CACNA2D3: variants seen among roughly 807,000 people sequenced by gnomAD.
CACNA2D3 encodes voltage-dependent calcium channel subunit alpha-2/delta-3.
In CACNA2D3, 60 loss-of-function variants were observed where a neutral mutation model predicts 160.6. The observed-to-expected ratio is 0.37, with a 90% CI of 0.30 to 0.46. The LOEUF is 0.46. Among genes scored for constraint, CACNA2D3 ranks in the 20% least tolerant of loss-of-function variants. CACNA2D3 has a pLI of 1.00. For synonymous variants in CACNA2D3, 558 were observed against 492.9 expected, an observed-to-expected ratio of 1.13 and a Z score of -1.75; for missense variants, 1,205 against 1,365.0, an observed-to-expected ratio of 0.88 and a Z score of 1.85.
intron 3 of CACNA2D3, among the ~76,000 whole-genome samples, chr3:54,374,650 C>T (rs1353848602): frequency 6.6e-6 from 1 of 152,148 alleles, no homozygotes; most frequent in East Asian, 1.9e-4. Flanking sequence ...CTGGACACCC[C>T]CTGGAGGCAG....
At chr3:54,576,637 C>T (rs1209571766) in intron 8 of CACNA2D3, among the ~76,000 whole-genome samples, 2 of 152,208 alleles carry the variant, frequency 1.3e-5, no homozygotes, top group African/African-American at 2.4e-5. Flanking sequence ...AAGAGTTGTG[C>T]GATGTAGTCT....
chr3:54,380,654 T>G (rs938819951), intron 3 of CACNA2D3, among the ~76,000 whole-genome samples: 5 of 151,958 alleles, frequency 3.3e-5, no homozygotes, highest in Admixed American at 2.6e-4. Flanking sequence ...AGGAGAATGG[T>G]GTGAACCCGG....
intron 11 of CACNA2D3, among the ~76,000 whole-genome samples, chr3:54,653,182 TG>T (rs1699809062): frequency 6.6e-6 from 1 of 152,206 alleles, no homozygotes; most frequent in South Asian, 2.1e-4. Flanking sequence ...GGACTTGGGC[TG>T]CATGTACCGA....
intron 11 of CACNA2D3, among the ~76,000 whole-genome samples, chr3:54,736,016 TACACATAC>T (rs1701497301): frequency 3.5e-5 from 3 of 86,670 alleles, no homozygotes; most frequent in African/African-American, 9.4e-5. Flanking sequence ...TGTATATATA[TACACATAC>T]ATATATATAT....
chr3:54,389,295 T>TCAAAAAAAAAAAAAA (rs1699241199), intron 4 of CACNA2D3, among the ~76,000 whole-genome samples: 2 of 130,462 alleles, frequency 1.5e-5, no homozygotes, highest in Admixed American at 8.2e-5. Context: ...AAACTCCGTC[T>TCAAAAAAAAAAAAAA]TAAAAAAAAA....
chr3:54,570,804 A>G (rs1204878259), intron 8 of CACNA2D3, among the ~76,000 whole-genome samples: 1 of 152,148 alleles, frequency 6.6e-6, no homozygotes, highest in East Asian at 1.9e-4. Context: ...GAGACCGGGC[A>G]GTCATGTAGC....
At chr3:54,656,838 G>A (rs1651393818) in intron 11 of CACNA2D3, among the ~76,000 whole-genome samples, 1 of 152,184 alleles carries the variant, frequency 6.6e-6, no homozygotes, top group Non-Finnish European at 1.5e-5. Context: ...CACAAAAATT[G>A]CACATAATTA....
At chr3:54,552,062 A>G (rs1702167165) in intron 5 of CACNA2D3, among the ~76,000 whole-genome samples, 1 of 152,202 alleles carries the variant, frequency 6.6e-6, no homozygotes, top group Non-Finnish European at 1.5e-5. Context: ...ACTCTACAGT[A>G]TTTTAGCCAT....
chr3:54,271,460 C>T (rs1702620621), intron 2 of CACNA2D3, among the ~76,000 whole-genome samples: 5 of 152,120 alleles, frequency 3.3e-5, no homozygotes, highest in Admixed American at 2.6e-4. Flanking sequence ...ATCCTAAATG[C>T]TATGATTCTC....
intron 11 of CACNA2D3, among the ~76,000 whole-genome samples, chr3:54,654,746 T>A (rs573474336): frequency 6.6e-6 from 1 of 152,130 alleles, no homozygotes; most frequent in African/African-American, 2.4e-5. Context: ...CTGAAGGAGA[T>A]GCAATGAGAC....
At chr3:54,534,159 A>G (rs1163717946) in intron 5 of CACNA2D3, among the ~76,000 whole-genome samples, 1 of 152,130 alleles carries the variant, frequency 6.6e-6, no homozygotes. Context: ...TTGCCTCTTA[A>G]GTGACAGTTC....
intron 11 of CACNA2D3, among the ~76,000 whole-genome samples, chr3:54,657,922 A>T (rs114295360): frequency 6.6e-6 from 1 of 152,288 alleles, no homozygotes; most frequent in Non-Finnish European, 1.5e-5. Flanking sequence ...CCAGCTACTC[A>T]GGAGACTCAA....
chr3:54,547,656 A>G (rs1314622977), intron 5 of CACNA2D3, among the ~76,000 whole-genome samples: 3 of 148,328 alleles, frequency 2.0e-5, no homozygotes, highest in African/African-American at 5.0e-5. Context: ...ATTTTAAAGA[A>G]GAACCTCCCC....
chr3:54,767,465 G>A (rs1201119617), intron 13 of CACNA2D3, among the ~76,000 whole-genome samples: 1 of 152,110 alleles, frequency 6.6e-6, no homozygotes, highest in African/African-American at 2.4e-5. Flanking sequence ...ATGTGTAAAT[G>A]CTGAAGACAG....
At chr3:54,466,587 T>C (rs1230447450) in intron 4 of CACNA2D3, among the ~76,000 whole-genome samples, 1 of 152,206 alleles carries the variant, frequency 6.6e-6, no homozygotes, top group Non-Finnish European at 1.5e-5. Flanking sequence ...GTTTATTTTT[T>C]TCAGGGGCCT....
chr3:54,527,707 G>A (rs2106637799), intron 5 of CACNA2D3, among the ~76,000 whole-genome samples: 1 of 152,290 alleles, frequency 6.6e-6, no homozygotes. Flanking sequence ...AAATGCTGAT[G>A]ACCTGCCCCT....
At chr3:54,854,334 C>T (rs1699122132) in intron 17 of CACNA2D3, among the ~76,000 whole-genome samples, 1 of 152,142 alleles carries the variant, frequency 6.6e-6, no homozygotes, top group Admixed American at 6.6e-5. Context: ...GTCCTCACTG[C>T]CTGGTCTGGG....
chr3:54,636,380 G>A (rs958626166), intron 10 of CACNA2D3, among the ~76,000 whole-genome samples: 5 of 151,972 alleles, frequency 3.3e-5, no homozygotes, highest in East Asian at 1.9e-4. Flanking sequence ...ATTGAAGTCC[G>A]GGCCAGGAAC....
chr3:55,046,143 C>T (rs1423296168), intron 35 of CACNA2D3, among the ~76,000 whole-genome samples: 2 of 149,684 alleles, frequency 1.3e-5, no homozygotes, highest in Non-Finnish European at 1.5e-5. Context: ...GGCACATGTG[C>T]ACATTGTGCA....
Sources: gnomAD v4.1 joint callset for allele counts (sites outside exome capture counted in the v4.1 genomes callset) on GRCh38, gnomAD v4.1.1 for gene constraint, MANE v1.5 for transcripts, NCBI Gene and HGNC (gene_info 2026-07-23, HGNC 2026-07-21) for gene names.